Variants in ECE1 observed in about 807,000 individuals in gnomAD.
ECE1 encodes endothelin converting enzyme 1, also known as endothelin-converting enzyme 1.
In ECE1, 35 loss-of-function variants were observed where a neutral mutation model predicts 98.6. The ratio of observed to expected loss-of-function variants is 0.35; its 90% CI spans 0.27 to 0.47. The LOEUF is 0.47. ECE1 is among the 20% of genes least tolerant of loss of function. The pLI is 1.00. For missense variants in ECE1, 814 were observed against 1,025.3 expected (o/e 0.79, Z 2.81); for synonymous variants, 394 against 407.1 (o/e 0.97, Z 0.39).
intron 4 of ECE1, among the ~76,000 whole-genome samples, chr1:21,267,474 T>C (rs953345433): frequency 1.3e-5 from 2 of 152,014 alleles, no homozygotes; most frequent in Non-Finnish European, 2.9e-5. Flanking sequence ...AACCATAAGA[T>C]CTTGTGAGAC....
At chr1:21,333,146 A>G (rs1184184674) in intron 1 of ECE1, among the ~76,000 whole-genome samples, 1 of 152,186 alleles carries the variant, frequency 6.6e-6, no homozygotes, top group Non-Finnish European at 1.5e-5. Context: ...AGTTGATCCC[A>G]TGGCCCTTGG....
chr1:21,247,623 T>C (rs1319303617), intron 8 of ECE1, among the ~76,000 whole-genome samples: 1 of 152,206 alleles, frequency 6.6e-6, no homozygotes, highest in African/African-American at 2.4e-5. Context: ...GCCGCTACCA[T>C]TCAGCAAGCG....
intron 1 of ECE1, among the ~76,000 whole-genome samples, chr1:21,338,444 C>T (rs1639342287): frequency 6.6e-6 from 1 of 152,224 alleles, no homozygotes; most frequent in Non-Finnish European, 1.5e-5. Context: ...GCTAGGCTCT[C>T]ATTTTACAGA....
intron 10 of ECE1, among the ~76,000 whole-genome samples, chr1:21,244,139 T>C (rs1359245967): frequency 6.6e-6 from 1 of 152,148 alleles, no homozygotes; most frequent in Admixed American, 6.5e-5. Flanking sequence ...TGCTAGCTGC[T>C]GTCTGGGTTG....
At position 21,233,635 on chromosome 1, in the gene ECE1, AAAG is replaced by A; in HGVS notation, c.1590_1592del (p.Phe531del). On this transcript the variant is annotated inframe_deletion, in exon 14 of 19. Transcript: ENST00000374893. The surrounding 1 kb of genome is among the most constrained non-coding windows in gnomAD (Gnocchi z 4.0). ...AGTTGAAAAACCGCATGGCATTTTCAAAGTAGAGGTCTGGAACTGCAGTGTACT... is the reference window on the plus strand; with the variant it reads ...AGTTGAAAAACCGCATGGCATTTTCATAGAGGTCTGGAACTGCAGTGTACT... The A allele has an allele frequency of 6.2e-7, 1 of 1,614,002 alleles. No individual in the cohort carries two copies. Among genetic ancestry groups the A allele is most frequent in the Non-Finnish European group, 8.5e-7 (1 of 1,179,960 alleles).
chr1:21,220,257 A>T lies in ECE1; in HGVS notation c.2137-126T>A. On this transcript the variant is annotated intron_variant, in intron 18 of 18. Coordinates refer to ENST00000374893, the MANE Select transcript of ECE1 (RefSeq NM_001397.3). The surrounding 1 kb of genome is among the most constrained non-coding windows in gnomAD (Gnocchi z 5.0). ...ACACCTGTAATCCCAGCACTTTGGG[A>T]GCCAAGGTGGAAGGGCTGCTTGAGC... is the stretch of plus-strand genomic sequence containing the variant. The T allele has an allele frequency of 1.8e-6, 2 of 1,109,062 alleles. No individual in the cohort carries two copies. Among genetic ancestry groups the T allele is most frequent in the Non-Finnish European group, 2.5e-6 (2 of 795,186 alleles). The allele number at this position is 1,109,062 out of a possible 1,614,324, so 68.7% of individuals were successfully genotyped here. A position where few individuals can be genotyped will look rare whatever the true frequency, so the allele number is the denominator to read the frequency against.
At chr1:21,304,179 G>T (rs1054807250) in intron 1 of ECE1, among the ~76,000 whole-genome samples, 3 of 151,406 alleles carry the variant, frequency 2.0e-5, no homozygotes, top group Non-Finnish European at 2.9e-5. Flanking sequence ...AGCCAGGTGT[G>T]GTGGCGGGCG....
chr1:21,344,796 C>T, intron 1 of ECE1: 1 of 152,652 alleles, frequency 6.6e-6, no homozygotes, highest in Non-Finnish European at 1.5e-5. Flanking sequence ...TGGTCTCTGA[C>T]AGCACCGACC....
chr1:21,220,207 C>G lies in ECE1; in HGVS notation c.2137-76G>C, dbSNP rs781067599. ...TGCCAGACTGCCCCCATTATAACAG[C>G]AGGGGAGGCCAGGTGCGGTGGCTCA... On this transcript the variant is annotated intron_variant, in intron 18 of 18. Transcript: ENST00000374893. The surrounding 1 kb of genome is among the most constrained non-coding windows in gnomAD (Gnocchi z 5.0). 2.9e-4 allele frequency: 435 copies of G among 1,500,890 alleles called. 2 individuals carry two copies. Among genetic ancestry groups the G allele is most frequent in the Non-Finnish European group, 3.6e-4 (396 of 1,112,046 alleles). 93.0% of individuals were successfully genotyped at this position (1,500,890 alleles called of 1,614,324 possible).
chr1:21,258,552 TG>T lies in ECE1; in HGVS notation c.762+140del. The T allele has an allele frequency of 7.3e-7, 1 of 1,368,178 alleles. No homozygotes were observed. Among genetic ancestry groups the T allele is most frequent in the Non-Finnish European group, 1.0e-6 (1 of 988,822 alleles). The allele number at this position is 1,368,178 out of a possible 1,614,324, so 84.8% of individuals were successfully genotyped here. ...GCAAAGATCTCACCAGTGGGGCCTC[TG>T]GAAATAACCCAGGCTCAGAAACTAG... On this transcript the variant is annotated intron_variant, in intron 6 of 18. Coordinates refer to ENST00000374893, the MANE Select transcript of ECE1 (RefSeq NM_001397.3). The surrounding 1 kb of genome is among the most constrained non-coding windows in gnomAD (Gnocchi z 4.2).
At position 21,235,965 on chromosome 1, in the gene ECE1, C is replaced by T. The variant is rs1435449685; in HGVS notation, c.1489-38G>A. ...GACAGAGGAAGTGAGTGCCCGGCAA[C>T]ATCGACCAGGCCAGCCTGAGCAACT... On this transcript the variant is annotated intron_variant, in intron 12 of 18. Transcript: ENST00000374893. The surrounding 1 kb of genome is among the most constrained non-coding windows in gnomAD (Gnocchi z 4.2). 1 of 1,600,796 alleles carries T rather than the reference C, an allele frequency of 6.2e-7. No individual in the cohort carries two copies. Among genetic ancestry groups the T allele is most frequent in the Non-Finnish European group, 8.6e-7 (1 of 1,167,932 alleles).
chr1:21,345,364 C>A lies in ECE1; in HGVS notation c.3+12G>T. 1 of 1,358,006 alleles carries A rather than the reference C, an allele frequency of 7.4e-7. No individual in the cohort carries two copies. Among genetic ancestry groups the A allele is most frequent in the South Asian group, 1.6e-5 (1 of 60,686 alleles). 84.1% of individuals were successfully genotyped at this position (1,358,006 alleles called of 1,614,324 possible). On this transcript the variant is annotated intron_variant, in intron 1 of 18. Transcript: ENST00000415912. This position sits in a 1 kb window ranked among gnomAD's most constrained non-coding sequence, Gnocchi z 5.1. The stretch of plus-strand genomic sequence containing the variant: ...GGCTGGACCGGACCAGACCTCCGCG[C>A]GCAGCACTCACCATAGCTCGCGTGC...
chr1:21,304,937 C>G (rs1200700121), intron 1 of ECE1, among the ~76,000 whole-genome samples: 1 of 152,064 alleles, frequency 6.6e-6, no homozygotes, highest in Non-Finnish European at 1.5e-5. Context: ...ACTGAAGATG[C>G]CTCTGCAAAA....
At chr1:21,282,627 G>T (rs2098256137) in intron 2 of ECE1, among the ~76,000 whole-genome samples, 1 of 151,238 alleles carries the variant, frequency 6.6e-6, no homozygotes, top group Admixed American at 6.6e-5. Context: ...AAGAAAAGAG[G>T]TACCCCTGTG....
chr1:21,239,335 G>T (rs2098192793), intron 10 of ECE1, among the ~76,000 whole-genome samples: 1 of 152,198 alleles, frequency 6.6e-6, no homozygotes, highest in South Asian at 2.1e-4. Flanking sequence ...ATATGACCAC[G>T]TGTGGTGGCC....
intron 8 of ECE1, among the ~76,000 whole-genome samples, chr1:21,253,485 G>A (rs879607418): frequency 2.3e-4 from 34 of 149,400 alleles, no homozygotes; most frequent in African/African-American, 4.2e-4. Context: ...ACCACAGGCC[G>A]GGCGCGGTGG....
chr1:21,342,543 CCAT>C (rs1639419296), intron 1 of ECE1, among the ~76,000 whole-genome samples: 1 of 151,802 alleles, frequency 6.6e-6, no homozygotes, highest in Non-Finnish European at 1.5e-5. Flanking sequence ...GAGCTGGTGA[CCAT>C]CAGGGAGATT....
rs555617554 is a variant in ECE1 at position 21,221,389 on chromosome 1, C to G, written c.2136+358G>C. Among the ~76,000 whole-genome samples the G allele has an allele frequency of 1.2e-3, 190 of 152,234 alleles. 1 individual carries two copies. The highest frequency in any genetic ancestry group is 4.3e-3 in the African/African-American group (179 of 41,524). On this transcript the variant is annotated intron_variant, in intron 18 of 18. Transcript: ENST00000374893. Reference sequence around the variant, plus strand: ...GTTTCACTATGTGGACTAGGCTGGTCTCAAACTCCTGACCTCAGGTGATCC... The same window carrying G: ...GTTTCACTATGTGGACTAGGCTGGTGTCAAACTCCTGACCTCAGGTGATCC...
chr1:21,290,087 A>G lies in ECE1; in HGVS notation c.121T>C (p.Tyr41His). ...GCGCCTACCTGCAGGCCGTTGGGGT[A>G]TGCGTCGCCCTCGGAGAGCGAGTCC... ...LVDSLSEGDAYPNGLQVNFHS... is the reference protein window; with the variant it reads ...LVDSLSEGDAHPNGLQVNFHS... Residue 41 changes from tyrosine (Y) to histidine (H), a missense_variant, in exon 2 of 19, where the codon TAC (tyrosine) becomes CAC (histidine). Physicochemically the swap from Tyr to His is moderately conservative, Grantham distance 83 (BLOSUM62 2). This residue lies in a region of ECE1 where 257 missense variants were observed against 278.9 expected (regional missense o/e 0.92). Transcript: ENST00000374893. The surrounding 1 kb of genome is among the most constrained non-coding windows in gnomAD (Gnocchi z 7.3). 6.6e-7 allele frequency: 1 copy of G among 1,519,760 alleles called. No individual in the cohort carries two copies. The highest frequency in any genetic ancestry group is 8.8e-7 in the Non-Finnish European group (1 of 1,130,914). The allele number at this position is 1,519,760 out of a possible 1,614,324, so 94.1% of individuals were successfully genotyped here. A position where few individuals can be genotyped will look rare whatever the true frequency, so the allele number is the denominator to read the frequency against.
Sources: gnomAD v4.1 joint callset for allele counts (sites outside exome capture counted in the v4.1 genomes callset) on GRCh38, gnomAD v4.1.1 for gene constraint, gnomAD v4.1.1 regional missense constraint, Gnocchi (gnomAD v3.1) non-coding constraint, MANE v1.5 for transcripts, NCBI Gene and HGNC (gene_info 2026-07-23, HGNC 2026-07-21) for gene names.